GALNTL6: variants seen among roughly 807,000 people sequenced by gnomAD.
GALNTL6 encodes the protein polypeptide N-acetylgalactosaminyltransferase-like 6.
In GALNTL6, 46 loss-of-function variants were observed where a neutral mutation model predicts 73.7. That is an observed-to-expected ratio of 0.62 (90% CI 0.49 to 0.80). The LOEUF (loss-of-function observed/expected upper bound fraction) is 0.80. Among genes scored for constraint, GALNTL6 ranks in the 30% least tolerant of loss-of-function variants. GALNTL6 has a pLI of 0.00. For missense variants in GALNTL6, 604 were observed against 755.0 expected, an observed-to-expected ratio of 0.80 and a Z score of 2.34; for synonymous variants, 259 against 263.7, an observed-to-expected ratio of 0.98 and a Z score of 0.17.
chr4:172,396,322 T>C (rs1051723565), intron 5 of GALNTL6, among the ~76,000 whole-genome samples: 4 of 151,668 alleles, frequency 2.6e-5, no homozygotes, highest in African/African-American at 4.8e-5. Flanking sequence ...TTTTCTTTTT[T>C]TTTTTTTTAA....
intron 2 of GALNTL6, among the ~76,000 whole-genome samples, chr4:172,091,421 A>G (rs1327649342): frequency 2.6e-5 from 4 of 152,256 alleles, no homozygotes; most frequent in African/African-American, 7.2e-5. Context: ...AGATCCCCCA[A>G]AATATCTTCA....
intron 9 of GALNTL6, among the ~76,000 whole-genome samples, chr4:172,947,456 C>T (rs1749219029): frequency 6.6e-6 from 1 of 152,140 alleles, no homozygotes; most frequent in Non-Finnish European, 1.5e-5. Context: ...ACAAGAACTC[C>T]AGCTAACACC....
chr4:172,003,458 A>G (rs913096775), intron 2 of GALNTL6, among the ~76,000 whole-genome samples: 1 of 152,152 alleles, frequency 6.6e-6, no homozygotes, highest in African/African-American at 2.4e-5. Flanking sequence ...AGTTCACTCT[A>G]AGTCATGATG....
At chr4:172,753,567 A>G (rs1389804980) in intron 5 of GALNTL6, among the ~76,000 whole-genome samples, 1 of 152,160 alleles carries the variant, frequency 6.6e-6, no homozygotes, top group Non-Finnish European at 1.5e-5. Flanking sequence ...AGATTTCCCA[A>G]TTTATTTTTT....
chr4:171,947,164 G>C (rs1013905770), intron 2 of GALNTL6, among the ~76,000 whole-genome samples: 17 of 151,974 alleles, frequency 1.1e-4, no homozygotes, highest in Admixed American at 1.3e-4. Flanking sequence ...CTTTCCGCAT[G>C]TATTTAAATT....
At chr4:172,270,035 C>T (rs557392467) in intron 3 of GALNTL6, among the ~76,000 whole-genome samples, 2 of 152,202 alleles carry the variant, frequency 1.3e-5, no homozygotes. Context: ...CATGCCTAGC[C>T]TACATATTTC....
In GALNTL6 at chr4:172,308,003, C is replaced by CTTTTTTTTTT. The variant is rs70941399; in HGVS notation, c.248-3590_248-3581dup. The stretch of plus-strand genomic sequence containing the variant: ...TCCATGAGCATGGGATGTGTTTTAA[C>CTTTTTTTTTT]TTTTTTTTTTTTTTTTTTTTTTTTT... On this transcript the variant is annotated intron_variant, in intron 3 of 12. Coordinates refer to ENST00000506823, the MANE Select transcript of GALNTL6 (RefSeq NM_001034845.3). Among the ~76,000 whole-genome samples the CTTTTTTTTTT allele has an allele frequency of 1.2e-3, 42 of 34,586 alleles. 6 individuals are homozygous for CTTTTTTTTTT. Among genetic ancestry groups the CTTTTTTTTTT allele is most frequent in the African/African-American group, 2.8e-3 (27 of 9,714 alleles). The allele number at this position is 34,586 out of a possible 152,430, so 22.7% of individuals were successfully genotyped here.
chr4:172,309,278 T>C (rs1371608683), intron 3 of GALNTL6, among the ~76,000 whole-genome samples: 2 of 151,202 alleles, frequency 1.3e-5, no homozygotes, highest in Non-Finnish European at 3.0e-5. Flanking sequence ...AGAAAGATAC[T>C]TTTTTTTTGA....
intron 5 of GALNTL6, among the ~76,000 whole-genome samples, chr4:172,716,536 T>C (rs949611013): frequency 5.3e-5 from 8 of 152,242 alleles, no homozygotes; most frequent in African/African-American, 1.9e-4. Flanking sequence ...CCTTGGGTGG[T>C]CTCTGCTCAC....
intron 2 of GALNTL6, among the ~76,000 whole-genome samples, chr4:172,129,687 TGACAGAAGA>T (rs1328835029): frequency 6.6e-6 from 1 of 152,138 alleles, no homozygotes; most frequent in African/African-American, 2.4e-5. Flanking sequence ...AAAGTAAATT[TGACAGAAGA>T]GACATGCCTC....
intron 5 of GALNTL6, among the ~76,000 whole-genome samples, chr4:172,502,355 C>G (rs1734290154): frequency 6.6e-6 from 1 of 152,170 alleles, no homozygotes. Flanking sequence ...TCTGACAGTT[C>G]TCATGAACTA....
intron 2 of GALNTL6, among the ~76,000 whole-genome samples, chr4:172,214,765 G>A (rs1000967203): frequency 1.3e-5 from 2 of 151,760 alleles, no homozygotes; most frequent in African/African-American, 4.8e-5. Context: ...GGCCTGCCTT[G>A]GCCTCTCAAA....
chr4:171,988,788 G>A (rs549655246), intron 2 of GALNTL6, among the ~76,000 whole-genome samples: 67 of 152,172 alleles, frequency 4.4e-4, no homozygotes, highest in East Asian at 3.5e-3. Context: ...GCATTGAGCC[G>A]GGTAAGAGTG....
At chr4:172,561,951 C>G (rs1430327421) in intron 5 of GALNTL6, among the ~76,000 whole-genome samples, 1 of 152,194 alleles carries the variant, frequency 6.6e-6, no homozygotes, top group African/African-American at 2.4e-5. Flanking sequence ...TGTTAAATCT[C>G]TAGCATTGAG....
At position 172,809,719 on chromosome 4, in the gene GALNTL6, A is replaced by G. The variant is rs1355678097; in HGVS notation, c.739+173A>G. Among the ~76,000 whole-genome samples, 1 of 152,198 alleles carries G rather than the reference A, an allele frequency of 6.6e-6. No homozygotes were observed. Among genetic ancestry groups the G allele is most frequent in the Non-Finnish European group, 1.5e-5 (1 of 68,030 alleles). Reference sequence around the variant, plus strand: ...AAACAGTTTACTAGGTAACTGTTTTAGGCAGTATTCTAGGTAATGCCATAA... The same window carrying G: ...AAACAGTTTACTAGGTAACTGTTTTGGGCAGTATTCTAGGTAATGCCATAA... On this transcript the variant is annotated intron_variant, in intron 6 of 12. Coordinates refer to ENST00000506823, the MANE Select transcript of GALNTL6 (RefSeq NM_001034845.3). This position sits in a 1 kb window ranked among gnomAD's most constrained non-coding sequence, Gnocchi z 4.4.
At chr4:173,037,469 C>A (rs1177388362) in intron 12 of GALNTL6, among the ~76,000 whole-genome samples, 1 of 152,148 alleles carries the variant, frequency 6.6e-6, no homozygotes, top group Non-Finnish European at 1.5e-5. Context: ...TTTGCATACT[C>A]GACTTGGTTC....
intron 2 of GALNTL6, among the ~76,000 whole-genome samples, chr4:172,095,988 T>TTTCTCTCTTTTCTA (rs1465692699): frequency 6.6e-6 from 1 of 152,062 alleles, no homozygotes. Context: ...TCTCTTTTCT[T>TTTCTCTCTTTTCTA]TTCTCTCTTT....
intron 2 of GALNTL6, among the ~76,000 whole-genome samples, chr4:171,837,701 A>G (rs909498175): frequency 1.4e-5 from 2 of 147,296 alleles, no homozygotes; most frequent in African/African-American, 4.9e-5. Flanking sequence ...TATGTTATAT[A>G]TATTTATATA....
chr4:172,757,706 GA>G (rs1188868809), intron 5 of GALNTL6, among the ~76,000 whole-genome samples: 2 of 152,136 alleles, frequency 1.3e-5, no homozygotes, highest in Non-Finnish European at 2.9e-5. Flanking sequence ...TAAAATATGA[GA>G]AACATTCCAT....
Sources: gnomAD v4.1 joint callset for allele counts (sites outside exome capture counted in the v4.1 genomes callset) on GRCh38, gnomAD v4.1.1 for gene constraint, Gnocchi (gnomAD v3.1) non-coding constraint, MANE v1.5 for transcripts, NCBI Gene and HGNC (gene_info 2026-07-23, HGNC 2026-07-21) for gene names.